SOX5: variants seen among roughly 807,000 people sequenced by gnomAD.
The protein encoded by SOX5 is SRY-box transcription factor 5.
SOX5 carries 9 observed loss-of-function variants against 92.0 expected under a neutral mutation model. The observed-to-expected ratio is 0.10, with a 90% CI of 0.06 to 0.17. SOX5 has a LOEUF of 0.17. Ranked by LOEUF, SOX5 falls within the 10% of genes least tolerant of loss-of-function variation. The pLI, the probability that SOX5 is intolerant of heterozygous loss-of-function variation, is 1.00. For missense variants in SOX5, 642 were observed against 944.5 expected, an observed-to-expected ratio of 0.68 and a Z score of 4.20; for synonymous variants, 344 against 336.3, an observed-to-expected ratio of 1.02 and a Z score of -0.25.
chr12:24,431,531 A>ATTCTTTTGTG (rs1938320481), intron 1 of SOX5, among the ~76,000 whole-genome samples: 1 of 152,156 alleles, frequency 6.6e-6, no homozygotes, highest in Non-Finnish European at 1.5e-5. Flanking sequence ...GTTTCCTTGT[A>ATTCTTTTGTG]TTATTTTGTG....
chr12:23,971,312 C>T (rs1015857323), intron 4 of SOX5, among the ~76,000 whole-genome samples: 7 of 151,050 alleles, frequency 4.6e-5, no homozygotes, highest in African/African-American at 1.2e-4. Flanking sequence ...TTAGTAGAGA[C>T]GGGATTTTAC....
chr12:24,275,710 A>G (rs1944361429), intron 3 of SOX5, among the ~76,000 whole-genome samples: 1 of 152,164 alleles, frequency 6.6e-6, no homozygotes, highest in African/African-American at 2.4e-5. Context: ...ACTTGCAACT[A>G]AATATCTTCC....
intron 2 of SOX5, among the ~76,000 whole-genome samples, chr12:23,871,836 A>G (rs1037709477): frequency 1.3e-5 from 2 of 152,124 alleles, no homozygotes; most frequent in Non-Finnish European, 2.9e-5. Context: ...GGGTTCCGGC[A>G]CTGTGCCTAC....
intron 1 of SOX5, among the ~76,000 whole-genome samples, chr12:24,552,020 T>C (rs1034902291): frequency 6.6e-6 from 1 of 152,226 alleles, no homozygotes; most frequent in Non-Finnish European, 1.5e-5. Context: ...TCCTTCAGTC[T>C]GGCCTGTTAA....
chr12:24,337,869 T>A (rs1298728063), intron 2 of SOX5, among the ~76,000 whole-genome samples: 1 of 152,228 alleles, frequency 6.6e-6, no homozygotes. Context: ...GTATGTGGAA[T>A]GATCTGGTAT....
chr12:23,600,511 C>CGG (rs1306699676), intron 9 of SOX5, among the ~76,000 whole-genome samples: 1 of 34,370 alleles, frequency 2.9e-5, no homozygotes, highest in African/African-American at 1.2e-4. Flanking sequence ...TAGACCATGG[C>CGG]GGGGGGGGTG....
intron 1 of SOX5, among the ~76,000 whole-genome samples, chr12:24,428,129 CT>C (rs1796681268): frequency 1.3e-5 from 2 of 151,664 alleles, no homozygotes; most frequent in East Asian, 3.9e-4. Flanking sequence ...TATTGTAAGT[CT>C]CCATATTCTA....
intron 1 of SOX5, among the ~76,000 whole-genome samples, chr12:24,447,175 T>C (rs985052678): frequency 9.9e-5 from 15 of 151,982 alleles, no homozygotes; most frequent in African/African-American, 3.6e-4. Flanking sequence ...GAACAAACAG[T>C]ATGGAAAGGG....
intron 6 of SOX5, among the ~76,000 whole-genome samples, chr12:23,713,236 A>T (rs536379288): frequency 1.3e-5 from 2 of 152,294 alleles, no homozygotes; most frequent in South Asian, 4.1e-4. Context: ...TGGCCACCAG[A>T]AGCTAGGGAG....
chr12:24,369,246 T>C (rs140818032), intron 1 of SOX5, among the ~76,000 whole-genome samples: 3 of 152,286 alleles, frequency 2.0e-5, no homozygotes, highest in Non-Finnish European at 4.4e-5. Context: ...CATAGGAGTG[T>C]CTTTGTTTGG....
chr12:24,385,228 C>T (rs750828012), intron 1 of SOX5, among the ~76,000 whole-genome samples: 2 of 152,158 alleles, frequency 1.3e-5, no homozygotes, highest in Non-Finnish European at 2.9e-5. Context: ...TTCCACTTTA[C>T]AATGGTGCAA....
chr12:23,976,690 C>T (rs960185389), intron 4 of SOX5, among the ~76,000 whole-genome samples: 1 of 152,102 alleles, frequency 6.6e-6, no homozygotes, highest in East Asian at 1.9e-4. Context: ...TAAGCAACGT[C>T]ATTATACTAC....
intron 4 of SOX5, among the ~76,000 whole-genome samples, chr12:23,969,634 G>C (rs886976546): frequency 1.3e-5 from 2 of 152,146 alleles, no homozygotes; most frequent in African/African-American, 4.8e-5. Flanking sequence ...TCAAATTTCA[G>C]TTCTACTTCT....
At chr12:23,587,272 C>T (rs576741158) in intron 9 of SOX5, among the ~76,000 whole-genome samples, 10 of 151,884 alleles carry the variant, frequency 6.6e-5, no homozygotes, top group Admixed American at 3.3e-4. Flanking sequence ...TTATTTTATT[C>T]GTACAGAAAG....
intron 4 of SOX5, among the ~76,000 whole-genome samples, chr12:24,155,852 C>G (rs1416718226): frequency 6.6e-6 from 1 of 152,100 alleles, no homozygotes; most frequent in African/African-American, 2.4e-5. Flanking sequence ...GACAGCGGCT[C>G]TAGAGCATCA....
At chr12:24,491,386 A>C (rs930588574) in intron 1 of SOX5, among the ~76,000 whole-genome samples, 6 of 152,134 alleles carry the variant, frequency 3.9e-5, no homozygotes, top group Admixed American at 1.3e-4. Context: ...TTACTATACC[A>C]ATCATGATAG....
At chr12:24,356,440 C>T (rs1954835029) in intron 2 of SOX5, among the ~76,000 whole-genome samples, 1 of 151,920 alleles carries the variant, frequency 6.6e-6, no homozygotes, top group African/African-American at 2.4e-5. Flanking sequence ...TGTTCCTCCT[C>T]CTTCCTCTCT....
chr12:24,185,283 T>C (rs974963709), intron 4 of SOX5, among the ~76,000 whole-genome samples: 2 of 152,106 alleles, frequency 1.3e-5, no homozygotes, highest in African/African-American at 4.8e-5. Context: ...GCTCCTAGAA[T>C]AGATATCACT....
Position 24,395,839 on chromosome 12 carries a change from C to T in SOX5, c.-250-27200G>A, listed in dbSNP as rs543292733. 9.5e-4 allele frequency among the ~76,000 whole-genome samples: 145 copies of T among 152,296 alleles called. No individual in the cohort carries two copies. In the Middle Eastern group the frequency reaches 0.01, roughly 11 times the overall value. On this transcript the variant is annotated intron_variant, in intron 1 of 4. Transcript: ENST00000446891. ...CTTTCAAACCAGGATTTCCTGGGTA[C>T]TGCTAGCAGTGACATCAAAGCCATC...
Sources: allele counts gnomAD v4.1 joint callset (sites outside exome capture counted in the v4.1 genomes callset), GRCh38; gene constraint gnomAD v4.1.1; transcripts MANE v1.5; gene names NCBI Gene and HGNC (gene_info 2026-07-23, HGNC 2026-07-21).